CAMK1: variants seen among roughly 807,000 people sequenced by gnomAD.
The protein encoded by CAMK1 is calcium/calmodulin dependent protein kinase I.
In CAMK1, 39 loss-of-function variants were observed where a neutral mutation model predicts 49.1. The ratio of observed to expected loss-of-function variants is 0.79; its 90% CI spans 0.62 to 1.04. The LOEUF (loss-of-function observed/expected upper bound fraction) is 1.04, where lower values mean the gene tolerates loss of function less well. Ranked by LOEUF, CAMK1 falls within the 50% of genes least tolerant of loss-of-function variation. The pLI is 0.00. For missense variants in CAMK1, 457 were observed against 472.2 expected (o/e 0.97, Z 0.30); for synonymous variants, 192 against 185.2 (o/e 1.04, Z -0.30).
At chr3:9,760,970 C>T (rs1217337512) in intron 7 of CAMK1, 1 of 715,910 alleles carries the variant, frequency 1.4e-6, no homozygotes, top group Non-Finnish European at 2.2e-6. Context: ...TTGCCCTCCT[C>T]AGGGCCTTTG....
intron 1 of CAMK1, among the ~76,000 whole-genome samples, chr3:9,768,102 C>T (rs2078205055): frequency 6.6e-6 from 1 of 152,144 alleles, no homozygotes; most frequent in Admixed American, 6.5e-5. Flanking sequence ...GGCAGTACAA[C>T]AGATAAACCC....
At chr3:9,759,838 C>T (rs1314552934) in intron 8 of CAMK1, 88 bp from the exon 9 acceptor site, 1 of 1,608,072 alleles carries the variant, frequency 6.2e-7, no homozygotes, top group Admixed American at 1.7e-5. Flanking sequence ...TCAGGTCTGG[C>T]CTGGCATCAA....
At position 9,760,647 on chromosome 3, in the gene CAMK1, C is replaced by T. The variant is rs1236118275; in HGVS notation, c.745+9G>A. 11 of 1,613,680 alleles carry T rather than the reference C, an allele frequency of 6.8e-6. 1 individual carries two copies. The East Asian group carries it at 1.8e-4, about 26-fold the overall frequency. On this transcript the variant is annotated intron_variant, in intron 8 of 11. Transcript: ENST00000256460. ...AGGGCCCAGGGGAAAAAAGCAAAGC[C>T]CCAAATACCAGAGTCAGAGATGTCG... is the stretch of plus-strand genomic sequence containing the variant.
Position 9,757,641 on chromosome 3 carries a change from A to G in CAMK1, c.1031-20T>C. On this transcript the variant is annotated intron_variant, in intron 11 of 11. Transcript: ENST00000256460. This position sits in a 1 kb window ranked among gnomAD's most constrained non-coding sequence, Gnocchi z 4.5. ...CCGGCCCTGCATGGGAAGACAGAAC[A>G]GAGGTGGCCGCAGGGGCAGGCCCTC... 1 of 1,614,128 alleles carries G rather than the reference A, an allele frequency of 6.2e-7. No individual in the cohort carries two copies. The highest frequency in any genetic ancestry group is 8.5e-7 in the Non-Finnish European group (1 of 1,180,008).
chr3:9,759,228 C>A (rs777240560), intron 10 of CAMK1: 10 of 1,614,182 alleles, frequency 6.2e-6, no homozygotes, highest in Non-Finnish European at 7.6e-6. Flanking sequence ...TTCTCGGACC[C>A]CATAGGCTGG....
chr3:9,768,053 C>T, intron 1 of CAMK1, among the ~76,000 whole-genome samples: 1 of 152,150 alleles, frequency 6.6e-6, no homozygotes, highest in East Asian at 1.9e-4. Context: ...CAGTTTTCCC[C>T]CTATCCAAAT....
Position 9,763,362 on chromosome 3 carries a change from C to T in CAMK1, c.216-149G>A, listed in dbSNP as rs1205490156. 6.4e-6 allele frequency: 5 copies of T among 784,614 alleles called. No homozygotes were observed. In the African/African-American group the frequency reaches 8.7e-5, roughly 14 times the overall value. The allele number at this position is 784,614 out of a possible 1,614,324, so 48.6% of individuals were successfully genotyped here. On this transcript the variant is annotated intron_variant, in intron 3 of 11. Transcript: ENST00000256460. ...CTGTTATGATTGCACCTGTGACTAG[C>T]CACTGCACTCCAGCCTGGGCAACAG...
At chr3:9,761,103 C>A in intron 7 of CAMK1, 1 of 349,250 alleles carries the variant, frequency 2.9e-6, no homozygotes, top group Non-Finnish European at 5.3e-6. Flanking sequence ...AATGGCATCA[C>A]CCCGTCTCCC....
Position 9,757,559 on chromosome 3 carries a change from TG to T in CAMK1, c.1092del (p.Thr365HisfsTer14). Reference sequence around the variant, plus strand: ...GGGCCCTAGAGCTGGTGGGGCAGTGTGGGGGACAGTTCTGTGCCCGGCTCCA... The same window carrying T: ...GGGCCCTAGAGCTGGTGGGGCAGTGTGGGGACAGTTCTGTGCCCGGCTCCA... ...CCVEPGTELS[P>X]TLPHQL On this transcript the variant is annotated frameshift_variant, in exon 12 of 12. Transcript: ENST00000256460. LOFTEE classifies it high-confidence loss of function. The surrounding 1 kb of genome is among the most constrained non-coding windows in gnomAD (Gnocchi z 4.5). 1.2e-6 allele frequency: 2 copies of T among 1,613,928 alleles called. No homozygotes were observed. Among genetic ancestry groups the T allele is most frequent in the Non-Finnish European group, 8.5e-7 (1 of 1,179,930 alleles).
chr3:9,764,714 C>G (rs111850952), intron 3 of CAMK1, among the ~76,000 whole-genome samples: 49 of 143,328 alleles, frequency 3.4e-4, no homozygotes, highest in African/African-American at 9.4e-4. Flanking sequence ...CTCACCGCAA[C>G]CTCCACCTCT....
At chr3:9,759,264 G>C (rs755885161) in intron 10 of CAMK1, 2 of 1,613,784 alleles carry the variant, frequency 1.2e-6, no homozygotes, top group Non-Finnish European at 1.7e-6. Context: ...AAGAATTACA[G>C]ACTTCTTCCT....
chr3:9,759,431 T>G, intron 10 of CAMK1, 57 bp downstream of exon 10: 1 of 1,611,036 alleles, frequency 6.2e-7, no homozygotes, highest in African/African-American at 1.3e-5. Context: ...TGAGCCTGGG[T>G]AGGGATGGGG....
At chr3:9,759,186 GCT>G (rs777497784) in intron 10 of CAMK1, 2 of 1,611,458 alleles carry the variant, frequency 1.2e-6, no homozygotes, top group African/African-American at 1.3e-5. Context: ...TTAACTGACA[GCT>G]CTGTCAGGTC....
At position 9,759,688 on chromosome 3, in the gene CAMK1, C is replaced by T. The variant is rs1447078012; in HGVS notation, c.808G>A (p.Ala270Thr). ...DPEKRFTCEQ[A>T]LQHPWIAGDT... ...AATTCTCACCATGGGTGCTGCAAGG[C>T]CTGCTCACAGGTGAATCTTTTCTCT... Residue 270 changes from alanine (A) to threonine (T), a missense_variant, in exon 9 of 12, where the codon GCC becomes ACC. By Grantham distance (58) the Ala-to-Thr change is moderately conservative (BLOSUM62 0). Transcript: ENST00000256460. 1 of 1,614,096 alleles carries T rather than the reference C, an allele frequency of 6.2e-7. No individual in the cohort carries two copies. Among genetic ancestry groups the T allele is most frequent in the Non-Finnish European group, 8.5e-7 (1 of 1,180,056 alleles).
Position 9,759,488 on chromosome 3 carries a change from CT to C in CAMK1, c.911del (p.Lys304SerfsTer13). ...IKKNFAKSKW[K>X]QAFNATAVVR... ...ACCAGAACTAGGGATATGGACTCAC[CT>C]TCCACTTGCTCTTGGCAAAGTTCTT... On this transcript the variant is annotated frameshift_variant and splice_region_variant, in exon 10 of 12. Coordinates refer to ENST00000256460, the MANE Select transcript of CAMK1 (RefSeq NM_003656.5). LOFTEE classifies it high-confidence loss of function. The C allele has an allele frequency of 6.2e-7, 1 of 1,614,164 alleles. No individual in the cohort carries two copies. The highest frequency in any genetic ancestry group is 8.5e-7 in the Non-Finnish European group (1 of 1,180,028).
At chr3:9,761,049 G>T in intron 7 of CAMK1, 3 of 420,632 alleles carry the variant, frequency 7.1e-6, no homozygotes, top group Non-Finnish European at 1.3e-5. Flanking sequence ...CTCACCACTC[G>T]GTCATCACCT....
chr3:9,761,436 C>T (rs1240064546), intron 7 of CAMK1, 25 bp downstream of exon 7: 1 of 1,595,192 alleles, frequency 6.3e-7, no homozygotes, highest in Admixed American at 1.7e-5. Context: ...GGAGCCACAG[C>T]CTACCATGGC....
rs949406390 is a variant in CAMK1, at chr3:9,757,938, TTC to T, written c.913-94_913-93del. The T allele has an allele frequency of 6.6e-7, 1 of 1,508,742 alleles. No individual in the cohort carries two copies. The allele number at this position is 1,508,742 out of a possible 1,614,324, so 93.5% of individuals were successfully genotyped here. On this transcript the variant is annotated intron_variant, in intron 10 of 11. Coordinates refer to ENST00000256460, the MANE Select transcript of CAMK1 (RefSeq NM_003656.5). This position sits in a 1 kb window ranked among gnomAD's most constrained non-coding sequence, Gnocchi z 4.5. ...GGGCGCAGTGGGATTCTTGCAATTG[TTC>T]TGTTATTTTCATTCAGGAGTTATTT...
Position 9,763,043 on chromosome 3 carries a change from A to G in CAMK1, c.300T>C (p.Gly100=), listed in dbSNP as rs761466244. ...CCACAATACGGTCAAAGAGCTCCCCACCCGACACCCTGCAGCAGGGGATAG... is the reference window on the plus strand; with the variant it reads ...CCACAATACGGTCAAAGAGCTCCCCGCCCGACACCCTGCAGCAGGGGATAG... The part of the protein sequence containing the change: ...HLYLIMQLVS[G]GELFDRIVEK... The change falls in exon 5 of 12, where the codon GGT becomes GGC. Residue 100 remains glycine (G), a synonymous_variant. Coordinates refer to ENST00000256460, the MANE Select transcript of CAMK1 (RefSeq NM_003656.5). The G allele has an allele frequency of 3.1e-6, 5 of 1,613,890 alleles. No individual in the cohort carries two copies. Among genetic ancestry groups the G allele is most frequent in the South Asian group, 2.2e-5 (2 of 91,072 alleles).
Sources: allele counts gnomAD v4.1 joint callset (sites outside exome capture counted in the v4.1 genomes callset), GRCh38; gene constraint gnomAD v4.1.1; non-coding constraint Gnocchi (gnomAD v3.1); transcripts MANE v1.5; gene names NCBI Gene and HGNC (gene_info 2026-07-23, HGNC 2026-07-21).